Variants in MAGI3 observed in about 807,000 individuals in gnomAD.
The protein encoded by MAGI3 is membrane-associated guanylate kinase, WW and PDZ domain-containing protein 3.
In MAGI3, 43 loss-of-function variants were observed where a neutral mutation model predicts 121.8. The ratio of observed to expected loss-of-function variants is 0.35; its 90% CI spans 0.28 to 0.46. The LOEUF is 0.46. Ranked by LOEUF, MAGI3 falls within the 20% of genes least tolerant of loss-of-function variation. MAGI3 has a pLI of 1.00. For synonymous variants in MAGI3, 553 were observed against 639.3 expected (o/e 0.86, Z 2.04); for missense variants, 1,547 against 1,797.3 (o/e 0.86, Z 2.52).
chr1:113,649,040 T>C (rs1466126334), intron 12 of MAGI3, among the ~76,000 whole-genome samples, 197 bp from the exon 13 acceptor site: 1 of 152,206 alleles, frequency 6.6e-6, no homozygotes, highest in Non-Finnish European at 1.5e-5. Context: ...CATACAGTTT[T>C]GTTTAGAGCT....
At chr1:113,681,418 G>A (rs1648209843) in intron 20 of MAGI3, 82 bp downstream of exon 20, 1 of 1,438,140 alleles carries the variant, frequency 7.0e-7, no homozygotes, top group Non-Finnish European at 9.4e-7. Flanking sequence ...ATTTGGAGAG[G>A]ATAGATATTT....
intron 1 of MAGI3, among the ~76,000 whole-genome samples, chr1:113,475,712 G>A (rs547413991): frequency 4.3e-4 from 66 of 152,258 alleles, no homozygotes; most frequent in Non-Finnish European, 8.4e-4. Context: ...TCTCTGCCAG[G>A]CTTTGGTATT....
intron 1 of MAGI3, among the ~76,000 whole-genome samples, chr1:113,467,565 C>T (rs1435312106): frequency 6.6e-6 from 1 of 152,142 alleles, no homozygotes; most frequent in African/African-American, 2.4e-5. Context: ...CAGTGTTTCA[C>T]TCTGTCACTC....
At chr1:113,470,475 C>T (rs768879982) in intron 1 of MAGI3, among the ~76,000 whole-genome samples, 11 of 152,182 alleles carry the variant, frequency 7.2e-5, no homozygotes, top group Non-Finnish European at 1.2e-4. Flanking sequence ...TTGACCAGAA[C>T]TTAATCACGT....
intron 1 of MAGI3, among the ~76,000 whole-genome samples, chr1:113,442,593 A>G (rs1653971122): frequency 6.6e-6 from 1 of 151,862 alleles, no homozygotes; most frequent in African/African-American, 2.4e-5. Context: ...ATATATATAT[A>G]ACGTACAGGC....
chr1:113,635,027 C>T (rs1400929601), intron 9 of MAGI3, among the ~76,000 whole-genome samples: 1 of 152,058 alleles, frequency 6.6e-6, no homozygotes, highest in Non-Finnish European at 1.5e-5. Context: ...TGATTTGGCT[C>T]TCTGTTTGTC....
chr1:113,429,588 T>C (rs1653195591), intron 1 of MAGI3, among the ~76,000 whole-genome samples: 1 of 152,122 alleles, frequency 6.6e-6, no homozygotes, highest in Non-Finnish European at 1.5e-5. Context: ...TGAAGTTACA[T>C]AGTTACACCC....
chr1:113,626,918 G>C (rs1004996159), intron 9 of MAGI3, among the ~76,000 whole-genome samples: 7 of 151,422 alleles, frequency 4.6e-5, no homozygotes, highest in African/African-American at 1.7e-4. Context: ...CTTTTGTGTT[G>C]TTTTCTTCAT....
At chr1:113,622,347 ATT>A (rs55822598) in intron 8 of MAGI3, among the ~76,000 whole-genome samples, 1 of 152,022 alleles carries the variant, frequency 6.6e-6, no homozygotes, top group African/African-American at 2.4e-5. Context: ...AGAACTATGT[ATT>A]TTTTTTTCCT....
intron 2 of MAGI3, among the ~76,000 whole-genome samples, chr1:113,559,584 T>C (rs1284524245): frequency 6.6e-6 from 1 of 152,096 alleles, no homozygotes; most frequent in Non-Finnish European, 1.5e-5. Context: ...TTGTTTTTTT[T>C]TGAGAGGGAG....
chr1:113,465,173 T>G (rs1037901023), intron 1 of MAGI3, among the ~76,000 whole-genome samples: 2 of 152,164 alleles, frequency 1.3e-5, no homozygotes, highest in Admixed American at 6.6e-5. Flanking sequence ...TGCTTTGATT[T>G]TTGTGTTTGG....
Position 113,681,351 on chromosome 1 carries a change from C to G in MAGI3, c.3328+15C>G. On this transcript the variant is annotated intron_variant, in intron 20 of 20. Transcript: ENST00000307546. ...ACCTGACCATGGTAAGTAAAGTAGC[C>G]CACTAGTAGCTGAAAAGTTGTATAT... 6.2e-7 allele frequency: 1 copy of G among 1,607,812 alleles called. No individual in the cohort carries two copies. Among genetic ancestry groups the G allele is most frequent in the Non-Finnish European group, 8.5e-7 (1 of 1,178,024 alleles).
intron 1 of MAGI3, among the ~76,000 whole-genome samples, chr1:113,447,526 A>C (rs906008570): frequency 6.6e-6 from 1 of 152,194 alleles, no homozygotes; most frequent in African/African-American, 2.4e-5. Context: ...AAATATTAAA[A>C]ACATAGCAAT....
intron 1 of MAGI3, among the ~76,000 whole-genome samples, chr1:113,481,323 T>A (rs879401763): frequency 2.0e-5 from 3 of 152,230 alleles, no homozygotes; most frequent in Non-Finnish European, 2.9e-5. Flanking sequence ...TAGTTCACTG[T>A]CTAAATCTAT....
At chr1:113,627,603 T>C (rs1179858663) in intron 9 of MAGI3, among the ~76,000 whole-genome samples, 1 of 148,098 alleles carries the variant, frequency 6.8e-6, no homozygotes, top group Non-Finnish European at 1.5e-5. Flanking sequence ...ATATAATAAT[T>C]ATATATATAA....
Position 113,574,714 on chromosome 1 carries a change from T to C in MAGI3, c.434-5828T>C, listed in dbSNP as rs182145936. On this transcript the variant is annotated intron_variant, in intron 2 of 20. Transcript: ENST00000307546. ...TCTTAGTAGTGTTCTCTATATTTCC[T>C]GAATTTGAAAGTTGGCCTCTCTTGC... Among the ~76,000 whole-genome samples, 109 of 152,336 alleles carry C rather than the reference T, an allele frequency of 7.2e-4. 1 individual carries two copies. The highest frequency in any genetic ancestry group is 1.3e-3 in the East Asian group (7 of 5,186).
At chr1:113,574,496 A>G (rs947079903) in intron 2 of MAGI3, among the ~76,000 whole-genome samples, 2 of 152,062 alleles carry the variant, frequency 1.3e-5, no homozygotes, top group African/African-American at 4.8e-5. Context: ...CCTTTTCTTT[A>G]AGAATGTTGA....
At position 113,641,006 on chromosome 1, in the gene MAGI3, A is replaced by AATATATATGATATATGATATATG. The variant is rs1491266406; in HGVS notation, c.1361-890_1361-889insGATATATGATATATATGATATAT. Among the ~76,000 whole-genome samples, 210 of 52,900 alleles carry AATATATATGATATATGATATATG rather than the reference A, an allele frequency of 4.0e-3. 5 individuals carry two copies. The highest frequency in any genetic ancestry group is 6.8e-3 in the Non-Finnish European group (185 of 27,366). 34.7% of individuals were successfully genotyped at this position (52,900 alleles called of 152,430 possible). On this transcript the variant is annotated intron_variant, in intron 9 of 20. Coordinates refer to ENST00000307546, the MANE Select transcript of MAGI3 (RefSeq NM_001142782.2). Reference sequence around the variant, plus strand: ...TATATACACTATATATGATATATATAATATATATGATATATAATATATATG... The same window carrying AATATATATGATATATGATATATG: ...TATATACACTATATATGATATATATAATATATATGATATATGATATATGATATATATGATATATAATATATATG...
chr1:113,415,774 G>A (rs1265753130), intron 1 of MAGI3, among the ~76,000 whole-genome samples: 1 of 151,856 alleles, frequency 6.6e-6, no homozygotes, highest in Non-Finnish European at 1.5e-5. Flanking sequence ...TTCTTTTTAA[G>A]CTTCAAAAGT....
Sources: allele counts gnomAD v4.1 joint callset (sites outside exome capture counted in the v4.1 genomes callset), GRCh38; gene constraint gnomAD v4.1.1; transcripts MANE v1.5; gene names NCBI Gene and HGNC (gene_info 2026-07-23, HGNC 2026-07-21).